STPG2: variants seen among roughly 807,000 people sequenced by gnomAD.
STPG2 encodes the protein sperm tail PG-rich repeat containing 2.
Under a neutral mutation model 54.2 loss-of-function variants are expected in STPG2, and 56 were observed. The ratio of observed to expected loss-of-function variants is 1.03; its 90% CI spans 0.83 to 1.29. The LOEUF (loss-of-function observed/expected upper bound fraction) is 1.29, where lower values mean the gene tolerates loss of function less well. STPG2 is among the 50% of genes most tolerant of loss of function. The pLI, the probability that STPG2 is intolerant of heterozygous loss-of-function variation, is 0.00. For missense variants in STPG2, 596 were observed against 544.9 expected (o/e 1.09, Z -0.93); for synonymous variants, 200 against 181.8 (o/e 1.10, Z -0.81).
chr4:98,051,634 G>C (rs1737323930), intron 5 of STPG2, among the ~76,000 whole-genome samples: 1 of 151,972 alleles, frequency 6.6e-6, no homozygotes, highest in African/African-American at 2.4e-5. Flanking sequence ...CCAGAATCAT[G>C]AGCCAAATAA....
chr4:98,113,628 T>C (rs955726120), intron 3 of STPG2, among the ~76,000 whole-genome samples: 5 of 152,012 alleles, frequency 3.3e-5, no homozygotes, highest in Non-Finnish European at 7.4e-5. Flanking sequence ...CACTGAGTGA[T>C]GAGTGACAGT....
chr4:97,793,051 C>T (rs1165539664), intron 9 of STPG2, among the ~76,000 whole-genome samples: 2 of 151,920 alleles, frequency 1.3e-5, no homozygotes, highest in Non-Finnish European at 2.9e-5. Context: ...CTGCTTGGGA[C>T]GCTGAGGCAG....
chr4:97,545,997 C>G (rs1440249853), intron 4 of STPG2, among the ~76,000 whole-genome samples: 1 of 152,074 alleles, frequency 6.6e-6, no homozygotes, highest in East Asian at 1.9e-4. Context: ...GTAGGACACA[C>G]ATAGTTTAAT....
intron 5 of STPG2, among the ~76,000 whole-genome samples, chr4:98,087,716 A>G (rs1003062856): frequency 6.6e-6 from 1 of 151,942 alleles, no homozygotes; most frequent in Non-Finnish European, 1.5e-5. Context: ...GCCCGCCGCT[A>G]TGCCCGGCTA....
intron 9 of STPG2, among the ~76,000 whole-genome samples, chr4:97,726,409 C>T (rs139345128): frequency 6.6e-6 from 1 of 151,830 alleles, no homozygotes; most frequent in Non-Finnish European, 1.5e-5. Context: ...CCACTGTGTA[C>T]ACTTTAAAAT....
intron 10 of STPG2, among the ~76,000 whole-genome samples, chr4:97,700,676 C>A (rs747337947): frequency 1.3e-5 from 2 of 152,126 alleles, no homozygotes; most frequent in African/African-American, 4.8e-5. Flanking sequence ...TGATATCTTG[C>A]GGAAGTGGAA....
Position 97,855,819 on chromosome 4 carries a change from A to G in STPG2, c.1045-14887T>C, listed in dbSNP as rs373525212. 6.5e-4 allele frequency among the ~76,000 whole-genome samples: 99 copies of G among 152,218 alleles called. 1 individual carries two copies. In the South Asian group the frequency reaches 0.02, roughly 30 times the overall value. On this transcript the variant is annotated intron_variant, in intron 8 of 10. Coordinates refer to ENST00000295268, the MANE Select transcript of STPG2 (RefSeq NM_174952.3). ...TTTGGGTTTTACATTTAAGTCTTTA[A>G]TCCATCTTCCATTAATTTTTGAATA...
intron 8 of STPG2, among the ~76,000 whole-genome samples, chr4:97,885,887 CTATT>C (rs1451531059): frequency 3.9e-5 from 6 of 152,100 alleles, no homozygotes; most frequent in Non-Finnish European, 8.8e-5. Flanking sequence ...AAGATAAAAA[CTATT>C]TAAGAAGAGA....
At chr4:97,910,961 G>C (rs555548307) in intron 8 of STPG2, among the ~76,000 whole-genome samples, 1 of 152,234 alleles carries the variant, frequency 6.6e-6, no homozygotes, top group South Asian at 2.1e-4. Flanking sequence ...CCAGGTTCTC[G>C]TTTGGTACTG....
intron 10 of STPG2, among the ~76,000 whole-genome samples, chr4:97,592,624 A>G (rs1471662627): frequency 6.6e-6 from 1 of 152,110 alleles, no homozygotes; most frequent in East Asian, 1.9e-4. Flanking sequence ...CCAAGCAGAT[A>G]TTTGGAAGAA....
chr4:97,848,818 G>A (rs950341859), intron 8 of STPG2, among the ~76,000 whole-genome samples: 3 of 149,932 alleles, frequency 2.0e-5, no homozygotes, highest in African/African-American at 7.4e-5. Flanking sequence ...GTAGGTATGC[G>A]GCGTTATTTC....
chr4:97,601,377 T>C (rs1733457133), intron 10 of STPG2, among the ~76,000 whole-genome samples: 1 of 152,110 alleles, frequency 6.6e-6, no homozygotes, highest in Non-Finnish European at 1.5e-5. Flanking sequence ...TATATAAGTA[T>C]AGATTCTACA....
intron 10 of STPG2, among the ~76,000 whole-genome samples, chr4:97,684,024 GA>G (rs1416755441): frequency 1.3e-5 from 2 of 151,684 alleles, no homozygotes; most frequent in African/African-American, 4.8e-5. Context: ...TGCAAAAATA[GA>G]AACATTTACC....
intron 9 of STPG2, among the ~76,000 whole-genome samples, chr4:97,798,482 G>C (rs1727277947): frequency 6.6e-6 from 1 of 152,166 alleles, no homozygotes. Flanking sequence ...ATTCTATGCA[G>C]TTGAGCGGTT....
At chr4:97,696,792 CT>C (rs1402298156) in intron 10 of STPG2, among the ~76,000 whole-genome samples, 7 of 152,298 alleles carry the variant, frequency 4.6e-5, no homozygotes, top group Middle Eastern at 3.4e-3. Context: ...CTCAACATCA[CT>C]AATTATCAGG....
intron 3 of STPG2, among the ~76,000 whole-genome samples, chr4:98,114,715 T>C (rs28465658): frequency 0.4 from 59,700 of 150,550 alleles, 12,020 homozygotes; most frequent in African/African-American, 0.45. Context: ...TGTGTACATG[T>C]GCACACACAC....
chr4:97,531,349 T>C (rs1278453640), intron 4 of STPG2, among the ~76,000 whole-genome samples: 1 of 152,200 alleles, frequency 6.6e-6, no homozygotes, highest in Non-Finnish European at 1.5e-5. Context: ...ATAATCTCAC[T>C]GCTGTGTATA....
chr4:98,137,484 A>G (rs1240675905), intron 1 of STPG2, among the ~76,000 whole-genome samples: 1 of 151,756 alleles, frequency 6.6e-6, no homozygotes, highest in Non-Finnish European at 1.5e-5. Flanking sequence ...TTTTAACTGA[A>G]TATCTTCTTT....
intron 9 of STPG2, among the ~76,000 whole-genome samples, chr4:97,794,100 A>G (rs1479407215): frequency 6.6e-6 from 1 of 152,134 alleles, no homozygotes; most frequent in East Asian, 1.9e-4. Context: ...ATTTATCATT[A>G]AAAGTTACAT....
Sources: gnomAD v4.1 joint callset for allele counts (sites outside exome capture counted in the v4.1 genomes callset) on GRCh38, gnomAD v4.1.1 for gene constraint, MANE v1.5 for transcripts, NCBI Gene and HGNC (gene_info 2026-07-23, HGNC 2026-07-21) for gene names.